UBR1: variants seen among roughly 807,000 people sequenced by gnomAD.
UBR1 encodes the protein E3 ubiquitin-protein ligase UBR1.
In UBR1, 102 loss-of-function variants were observed where a neutral mutation model predicts 242.1. The observed-to-expected ratio is 0.42, with a 90% CI of 0.36 to 0.50. UBR1 has a LOEUF of 0.50. Among genes scored for constraint, UBR1 ranks in the 20% least tolerant of loss-of-function variants. The pLI is 0.01. For synonymous variants in UBR1, 675 were observed against 684.8 expected (o/e 0.99, Z 0.22); for missense variants, 1,772 against 2,101.8 (o/e 0.84, Z 3.07).
chr15:43,011,747 C>A (rs892104313), intron 29 of UBR1, among the ~76,000 whole-genome samples: 1 of 152,178 alleles, frequency 6.6e-6, no homozygotes, highest in African/African-American at 2.4e-5. Context: ...TAACCCAGCC[C>A]TTTCACTTAC....
At chr15:43,024,283 A>G (rs1187170837) in intron 25 of UBR1, among the ~76,000 whole-genome samples, 1 of 152,236 alleles carries the variant, frequency 6.6e-6, no homozygotes, top group Non-Finnish European at 1.5e-5. Context: ...TTAGGCAGGT[A>G]TAAATAAATA....
chr15:43,005,832 G>C (rs1282637230), intron 30 of UBR1, among the ~76,000 whole-genome samples: 1 of 150,274 alleles, frequency 6.7e-6, no homozygotes, highest in Non-Finnish European at 1.5e-5. Context: ...TCCACTCAGG[G>C]TTAAATGGAT....
intron 24 of UBR1, among the ~76,000 whole-genome samples, 168 bp from the exon 25 acceptor site, chr15:43,025,151 G>T (rs1251337040): frequency 6.6e-6 from 1 of 152,144 alleles, no homozygotes; most frequent in African/African-American, 2.4e-5. Flanking sequence ...TAAGTGTAAT[G>T]TAAGTACTAT....
chr15:42,949,359 A>G (rs927073706), intron 46 of UBR1, among the ~76,000 whole-genome samples: 12 of 151,888 alleles, frequency 7.9e-5, no homozygotes, highest in African/African-American at 2.2e-4. Flanking sequence ...CAGCACACCA[A>G]CATGGCACAT....
Position 43,047,222 on chromosome 15 carries a change from A to T in UBR1, c.1607T>A (p.Ile536Asn), listed in dbSNP as rs1376546121. 6 of 1,614,096 alleles carry T rather than the reference A, an allele frequency of 3.7e-6. No homozygotes were observed. The highest frequency in any genetic ancestry group is 5.1e-6 in the Non-Finnish European group (6 of 1,180,042). ...IEVDPDWEAA[I>N]AIQMQLKNIL... ...ATTCTTCAATTGCATCTGTATAGCA[A>T]TGGCAGCCTCCCAATCAGGATCCAC... The change falls in exon 14 of 47, where the codon ATT becomes AAT. Residue 536 changes from isoleucine to asparagine, a missense_variant. By Grantham distance (149) the Ile-to-Asn change is moderately radical. Transcript: ENST00000290650.
At chr15:43,064,525 C>T (rs1358654061) in intron 6 of UBR1, among the ~76,000 whole-genome samples, 1 of 150,688 alleles carries the variant, frequency 6.6e-6, no homozygotes. Flanking sequence ...ATTGTTCTCT[C>T]AATACAAGGA....
chr15:42,988,101 C>T (rs577447993), intron 35 of UBR1, among the ~76,000 whole-genome samples: 1 of 152,278 alleles, frequency 6.6e-6, no homozygotes, highest in African/African-American at 2.4e-5. Context: ...GTCTTCCTTT[C>T]CCCTTTCCGT....
rs2033337821 is a variant in UBR1 at position 43,036,515 on chromosome 15, T to C, written c.2088+13A>G. Reference sequence around the variant, plus strand: ...ATGAAGACACAAATATCAGAAACAATTTAAATAGGTACCTGAAGCATGATG... The same window carrying C: ...ATGAAGACACAAATATCAGAAACAACTTAAATAGGTACCTGAAGCATGATG... On this transcript the variant is annotated intron_variant, in intron 18 of 46. Coordinates refer to ENST00000290650, the MANE Select transcript of UBR1 (RefSeq NM_174916.3). 3 of 1,568,636 alleles carry C rather than the reference T, an allele frequency of 1.9e-6. No homozygotes were observed. The highest frequency in any genetic ancestry group is 1.4e-5 in the African/African-American group (1 of 73,926).
intron 2 of UBR1, among the ~76,000 whole-genome samples, chr15:43,085,555 C>T (rs72721527): frequency 0.028 from 4,097 of 148,626 alleles, 63 homozygotes; most frequent in Non-Finnish European, 0.04. Flanking sequence ...TAAACCAAGA[C>T]AAGTACATCG....
At chr15:43,064,797 C>T (rs1014603055) in intron 6 of UBR1, among the ~76,000 whole-genome samples, 1 of 151,856 alleles carries the variant, frequency 6.6e-6, no homozygotes, top group Non-Finnish European at 1.5e-5. Context: ...ACTAGTCTCC[C>T]GACCTCAGGT....
At chr15:42,954,215 T>C (rs1296635338) in intron 44 of UBR1, among the ~76,000 whole-genome samples, 2 of 152,252 alleles carry the variant, frequency 1.3e-5, no homozygotes, top group African/African-American at 4.8e-5. Flanking sequence ...TGGAAGATAA[T>C]ATCTATTCAC....
intron 2 of UBR1, among the ~76,000 whole-genome samples, chr15:43,083,777 T>C (rs1458482403): frequency 6.6e-6 from 1 of 151,846 alleles, no homozygotes. Flanking sequence ...GCTTGGTGGC[T>C]CACACCTGTA....
intron 37 of UBR1, among the ~76,000 whole-genome samples, chr15:42,979,798 T>C (rs1281343748): frequency 6.6e-6 from 1 of 152,068 alleles, no homozygotes; most frequent in Non-Finnish European, 1.5e-5. Flanking sequence ...CCTCAAGAGG[T>C]CCACCTCCCC....
At chr15:42,968,167 A>G (rs1022067460) in intron 40 of UBR1, among the ~76,000 whole-genome samples, 5 of 152,048 alleles carry the variant, frequency 3.3e-5, no homozygotes, top group African/African-American at 7.2e-5. Flanking sequence ...TTAATTCTAA[A>G]TACTCCTTTT....
At chr15:43,085,579 A>AAAT (rs2034025611) in intron 2 of UBR1, among the ~76,000 whole-genome samples, 1 of 150,924 alleles carries the variant, frequency 6.6e-6, no homozygotes. Flanking sequence ...AATAGATACA[A>AAAT]AATACCAAGA....
intron 33 of UBR1, among the ~76,000 whole-genome samples, chr15:42,994,041 T>A (rs1362412427): frequency 6.6e-6 from 1 of 152,186 alleles, no homozygotes; most frequent in Non-Finnish European, 1.5e-5. Flanking sequence ...AAATAGTCAC[T>A]GATTTCTCCA....
chr15:43,070,724 A>G, intron 5 of UBR1, 71 bp downstream of exon 5: 2 of 1,597,824 alleles, frequency 1.3e-6, no homozygotes, highest in Non-Finnish European at 1.7e-6. Context: ...AACAAAAACA[A>G]TTATCAAACA....
At chr15:42,997,488 G>A (rs1171952712) in intron 33 of UBR1, among the ~76,000 whole-genome samples, 2 of 152,078 alleles carry the variant, frequency 1.3e-5, no homozygotes, top group East Asian at 1.9e-4. Context: ...AAAAGGTTGG[G>A]GACCATTGGC....
At chr15:43,060,607 T>A (rs892371045) in intron 6 of UBR1, among the ~76,000 whole-genome samples, 11 of 152,304 alleles carry the variant, frequency 7.2e-5, no homozygotes, top group African/African-American at 2.6e-4. Flanking sequence ...CTCATTCTTT[T>A]ACCCACCTGT....
Sources: allele counts gnomAD v4.1 joint callset (sites outside exome capture counted in the v4.1 genomes callset), GRCh38; gene constraint gnomAD v4.1.1; transcripts MANE v1.5; gene names NCBI Gene and HGNC (gene_info 2026-07-23, HGNC 2026-07-21).